Variants in ACSM3 observed in about 807,000 individuals in gnomAD.
ACSM3 encodes acyl-CoA synthetase medium chain family member 3.
A neutral mutation model predicts 74.1 loss-of-function variants in ACSM3; 61 were observed. The ratio of observed to expected loss-of-function variants is 0.82; its 90% CI spans 0.67 to 1.02. The LOEUF (loss-of-function observed/expected upper bound fraction) is 1.02. ACSM3 is among the 50% of genes least tolerant of loss of function. ACSM3 has a pLI of 0.00. For missense variants in ACSM3, 660 were observed against 697.0 expected (o/e 0.95, Z 0.60); for synonymous variants, 213 against 241.5 (o/e 0.88, Z 1.09).
At chr16:20,685,307 G>A (rs747352413) in intron 1 of ACSM3, 7 of 1,614,170 alleles carry the variant, frequency 4.3e-6, no homozygotes, top group Middle Eastern at 1.6e-4. Context: ...TTGGCTACAC[G>A]GCGGGTTAGG....
chr16:20,737,179 C>T, intron 1 of ACSM3: 2 of 1,614,208 alleles, frequency 1.2e-6, no homozygotes, highest in South Asian at 1.1e-5. Flanking sequence ...AACATGTAAT[C>T]TTTCACAACA....
At chr16:20,728,924 T>A (rs565178384) in intron 1 of ACSM3, among the ~76,000 whole-genome samples, 3 of 151,954 alleles carry the variant, frequency 2.0e-5, no homozygotes, top group African/African-American at 7.3e-5. Flanking sequence ...CTGGGAAACA[T>A]AGTGAGACCC....
chr16:20,718,012 A>AAGG (rs1242876577), intron 1 of ACSM3, among the ~76,000 whole-genome samples: 2 of 148,806 alleles, frequency 1.3e-5, no homozygotes, highest in African/African-American at 5.0e-5. Context: ...GAAGAAGAAG[A>AAGG]AGAAGAAGAA....
intron 1 of ACSM3, chr16:20,718,445 C>T: frequency 1.7e-6 from 1 of 574,902 alleles, no homozygotes; most frequent in Non-Finnish European, 2.7e-6. Flanking sequence ...CCTAAGATGG[C>T]CCAGCACTCT....
intron 1 of ACSM3, among the ~76,000 whole-genome samples, chr16:20,695,550 ATCTG>A (rs1310421162): frequency 7.4e-6 from 1 of 134,972 alleles, no homozygotes; most frequent in African/African-American, 2.8e-5. Context: ...TTCACTGATT[ATCTG>A]TCTATCTATC....
At chr16:20,783,144 G>C (rs1018921001) in intron 7 of ACSM3, 3 of 152,082 alleles carry the variant, frequency 2.0e-5, no homozygotes, top group African/African-American at 4.8e-5. Flanking sequence ...ATTGAGAGTC[G>C]CCTCATGAGA....
chr16:20,797,210 T>A lies in ACSM3; in HGVS notation c.*238T>A, dbSNP rs76234554. On this transcript the variant is annotated 3_prime_UTR_variant, in exon 14 of 14. Coordinates refer to ENST00000289416, the MANE Select transcript of ACSM3 (RefSeq NM_005622.4). ...TTAATATAAAAATAATACCATCAATTGCTGATTAATTTTTAAATGTATAGT... is the reference window on the plus strand; with the variant it reads ...TTAATATAAAAATAATACCATCAATAGCTGATTAATTTTTAAATGTATAGT... The A allele has an allele frequency of 3.1e-5, 38 of 1,220,208 alleles. No homozygotes were observed. The East Asian group carries it at 1.8e-3, about 56-fold the overall frequency. 75.6% of individuals were successfully genotyped at this position (1,220,208 alleles called of 1,614,324 possible). A position where few individuals can be genotyped will look rare whatever the true frequency, so the allele number is the denominator to read the frequency against.
chr16:20,781,641 A>G (rs2080354945), intron 6 of ACSM3, 67 bp from the exon 7 acceptor site: 6 of 1,201,060 alleles, frequency 5.0e-6, no homozygotes, highest in Non-Finnish European at 7.5e-6. Flanking sequence ...TGCTGCGTCA[A>G]CCAAAGACAT....
At chr16:20,750,837 G>C (rs554184675) in intron 2 of ACSM3, among the ~76,000 whole-genome samples, 86 of 122,278 alleles carry the variant, frequency 7.0e-4, no homozygotes, top group Middle Eastern at 8.3e-3. Context: ...ATAAGTTTTG[G>C]AGTCAGGTTT....
At chr16:20,749,462 G>A (rs532146922) in intron 1 of ACSM3, 4 of 152,292 alleles carry the variant, frequency 2.6e-5, no homozygotes, top group Non-Finnish European at 5.9e-5. Context: ...GGGGAGAAGA[G>A]TATTTTCACC....
chr16:20,722,963 C>A (rs997407294), intron 1 of ACSM3, among the ~76,000 whole-genome samples: 10 of 152,110 alleles, frequency 6.6e-5, no homozygotes, highest in Admixed American at 2.6e-4. Context: ...CATATGTATA[C>A]ATGTGCCATG....
At chr16:20,770,701 G>A (rs2080182371) in intron 2 of ACSM3, among the ~76,000 whole-genome samples, 1 of 152,068 alleles carries the variant, frequency 6.6e-6, no homozygotes, top group African/African-American at 2.4e-5. Flanking sequence ...GAAATGACAT[G>A]GCTTCCAACG....
chr16:20,746,258 G>A (rs2079957583), intron 1 of ACSM3, among the ~76,000 whole-genome samples: 1 of 152,172 alleles, frequency 6.6e-6, no homozygotes, highest in African/African-American at 2.4e-5. Context: ...GCTGCTTTCA[G>A]ACTCAGTCGT....
At chr16:20,761,836 C>T (rs1193887263), upstream of ACSM3, among the ~76,000 whole-genome samples, 9 of 152,156 alleles carry the variant, frequency 5.9e-5, no homozygotes, top group Admixed American at 5.9e-4. Flanking sequence ...AACTGGTATA[C>T]AACCTTCCTC....
chr16:20,697,777 G>C (rs568112449), intron 1 of ACSM3: 3 of 152,336 alleles, frequency 2.0e-5, no homozygotes, highest in African/African-American at 7.2e-5. Context: ...TCTGGCCACA[G>C]CGAAGGGGGA....
intron 1 of ACSM3, among the ~76,000 whole-genome samples, chr16:20,742,813 A>ATATGTATATAT (rs61582869): frequency 1.5e-5 from 1 of 66,820 alleles, no homozygotes; most frequent in Non-Finnish European, 4.0e-5. Context: ...ATATATATAT[A>ATATGTATATAT]TTTTTTTTTT....
chr16:20,770,246 A>C lies in ACSM3; in HGVS notation c.212A>C (p.Lys71Thr). The C allele has an allele frequency of 2.5e-6, 4 of 1,613,876 alleles. No homozygotes were observed. The highest frequency in any genetic ancestry group is 3.4e-6 in the Non-Finnish European group (4 of 1,179,752). Residue 71 changes from lysine (K) to threonine (T), a missense_variant, in exon 2 of 14, where the codon AAG (lysine) becomes ACG (threonine). Transcript: ENST00000289416. ...GATGTCCTGGACCAATGGACTGATA[A>C]GGAAAAGGTATGGGGGGAGGGCCAG... ...AKDVLDQWTDKEKAGKKPSNP... is the reference protein window; with the variant it reads ...AKDVLDQWTDTEKAGKKPSNP...
intron 1 of ACSM3, among the ~76,000 whole-genome samples, chr16:20,727,941 G>A (rs1318633122): frequency 6.6e-6 from 1 of 152,134 alleles, no homozygotes; most frequent in African/African-American, 2.4e-5. Context: ...AGAAACTCTG[G>A]GATGAGGCCC....
intron 1 of ACSM3, among the ~76,000 whole-genome samples, chr16:20,723,279 A>G (rs2152395916): frequency 6.6e-6 from 1 of 152,052 alleles, no homozygotes; most frequent in South Asian, 2.1e-4. Flanking sequence ...AATCCAGTCT[A>G]TCATTGTTGG....
Sources: gnomAD v4.1 joint callset for allele counts (sites outside exome capture counted in the v4.1 genomes callset) on GRCh38, gnomAD v4.1.1 for gene constraint, MANE v1.5 for transcripts, NCBI Gene and HGNC (gene_info 2026-07-23, HGNC 2026-07-21) for gene names.